Variants in TRAPPC11 observed in about 807,000 individuals in gnomAD.
The protein encoded by TRAPPC11 is trafficking protein particle complex subunit 11.
Under a neutral mutation model 151.2 loss-of-function variants are expected in TRAPPC11, and 104 were observed. The ratio of observed to expected loss-of-function variants is 0.69; its 90% confidence interval spans 0.59 to 0.81. TRAPPC11 has a LOEUF of 0.81. Among genes scored for constraint, TRAPPC11 ranks in the 30% least tolerant of loss-of-function variants. The pLI is 0.00. For missense variants in TRAPPC11, 1,230 were observed against 1,349.6 expected (o/e 0.91, Z 1.39); for synonymous variants, 456 against 472.3 (o/e 0.97, Z 0.45).
At position 183,712,656 on chromosome 4, in the gene TRAPPC11, G is replaced by A. The variant is rs543068196; in HGVS notation, c.*12G>A. 69 of 1,613,860 alleles carry A rather than the reference G, an allele frequency of 4.3e-5. No homozygotes were observed. The highest frequency in any genetic ancestry group is 2.2e-4 in the East Asian group (10 of 44,874). Reference sequence around the variant, plus strand: ...TTGCTGCTGCATGATGTTCAAGACCGGCCCTTGGCTGTTGTTACAGAGATG... The same window carrying A: ...TTGCTGCTGCATGATGTTCAAGACCAGCCCTTGGCTGTTGTTACAGAGATG... On this transcript the variant is annotated 3_prime_UTR_variant, in exon 30 of 30. Transcript: ENST00000334690.
chr4:183,691,006 A>G (rs1466829775), intron 18 of TRAPPC11, among the ~76,000 whole-genome samples: 6 of 152,186 alleles, frequency 3.9e-5, no homozygotes, highest in Non-Finnish European at 2.9e-5. Context: ...ACAGAAGCCA[A>G]GTAAAAAAAG....
At position 183,663,847 on chromosome 4, in the gene TRAPPC11, G is replaced by A; in HGVS notation, c.-21G>A. The A allele has an allele frequency of 1.3e-6, 2 of 1,576,346 alleles. No individual in the cohort carries two copies. The highest frequency in any genetic ancestry group is 1.7e-4 in the Middle Eastern group (1 of 5,790). On this transcript the variant is annotated splice_region_variant and 5_prime_UTR_variant, in exon 2 of 30. Transcript: ENST00000334690. ...GAATGTATTAACATTTGTATTTCAG[G>A]TTTTTTGTGACATCGTAAACATGAG...
chr4:183,666,529 C>A, intron 3 of TRAPPC11, 103 bp downstream of exon 3: 1 of 1,181,520 alleles, frequency 8.5e-7, no homozygotes, highest in Non-Finnish European at 1.2e-6. Flanking sequence ...GCAGTGGTCA[C>A]TTTGCGGATT....
intron 25 of TRAPPC11, chr4:183,701,396 A>G (rs1037429349): frequency 4.6e-6 from 1 of 215,264 alleles, no homozygotes; most frequent in Non-Finnish European, 9.2e-6. Flanking sequence ...AAAAACAATC[A>G]CCGTAAGATA....
chr4:183,667,178 TTATTAAAGGGAGATAGGGG>T (rs774342498), intron 4 of TRAPPC11, 48 bp downstream of exon 4: 9 of 1,463,494 alleles, frequency 6.1e-6, no homozygotes, highest in Non-Finnish European at 8.5e-6. Flanking sequence ...CCTCCAATTC[TTATTAAAGGGAGATAGGGG>T]TTTTTTGGAT....
intron 19 of TRAPPC11, 138 bp from the exon 20 acceptor site, chr4:183,692,822 G>A (rs78691623): frequency 3.0e-6 from 2 of 665,364 alleles, no homozygotes; most frequent in East Asian, 3.0e-5. Context: ...CTAATAGCAG[G>A]TGTTCTCACT....
intron 26 of TRAPPC11, among the ~76,000 whole-genome samples, chr4:183,702,060 T>A (rs910118406): frequency 5.3e-5 from 8 of 152,200 alleles, no homozygotes; most frequent in African/African-American, 1.9e-4. Flanking sequence ...AGAATGTTCA[T>A]GGGCTGGGCG....
chr4:183,666,330 T>C lies in TRAPPC11; in HGVS notation c.278T>C (p.Val93Ala). ...TGGATGAATAAGCATCTGAATCTGG[T>C]GCCAGCCCTGGTGGTTGTGTTCTAT... The part of the protein sequence containing the change: ...TGWMNKHLNL[V>A]PALVVVFYEL... Residue 93 changes from valine (V) to alanine (A), a missense_variant, in exon 3 of 30, where the codon GTG becomes GCG. Physicochemically the swap from Val to Ala is moderately conservative, Grantham distance 64. Transcript: ENST00000334690. 6.2e-7 allele frequency: 1 copy of C among 1,614,172 alleles called. No individual in the cohort carries two copies. Among genetic ancestry groups the C allele is most frequent in the Non-Finnish European group, 8.5e-7 (1 of 1,180,014 alleles).
chr4:183,707,407 A>T (rs1737128954), intron 28 of TRAPPC11, among the ~76,000 whole-genome samples: 1 of 152,160 alleles, frequency 6.6e-6, no homozygotes, highest in African/African-American at 2.4e-5. Flanking sequence ...TTTTGTTTCT[A>T]TACTTTAAAT....
rs1336946391 is a variant in TRAPPC11 at position 183,704,366 on chromosome 4, C to A, written c.2964-613C>A. On this transcript the variant is annotated intron_variant, in intron 26 of 29. Transcript: ENST00000334690. ...CAGAACCTCGTCTCTGCTAAAAATA[C>A]AAAAATTAGCTGGGCGTGGCTTCAC... Among the ~76,000 whole-genome samples, 3 of 151,878 alleles carry A rather than the reference C, an allele frequency of 2.0e-5. No homozygotes were observed. The East Asian group carries it at 5.8e-4, about 30-fold the overall frequency.
intron 5 of TRAPPC11, among the ~76,000 whole-genome samples, chr4:183,668,998 G>A (rs990030502): frequency 2.6e-5 from 4 of 152,068 alleles, no homozygotes; most frequent in African/African-American, 7.2e-5. Flanking sequence ...AAAATGATCC[G>A]CTGCAGGAGG....
At chr4:183,708,370 A>G (rs1168619696) in intron 28 of TRAPPC11, 37 bp from the exon 29 acceptor site, 26 of 1,597,344 alleles carry the variant, frequency 1.6e-5, no homozygotes, top group Non-Finnish European at 2.1e-5. Flanking sequence ...ACATATGTGT[A>G]TTTGATTATC....
At chr4:183,667,909 C>T (rs1281636405) in intron 4 of TRAPPC11, 94 bp from the exon 5 acceptor site, 1 of 924,044 alleles carries the variant, frequency 1.1e-6, no homozygotes, top group Non-Finnish European at 1.8e-6. Context: ...GTTTTTATTC[C>T]TAATTCTATT....
At chr4:183,662,054 T>A (rs76928504) in intron 1 of TRAPPC11, among the ~76,000 whole-genome samples, 35,038 of 152,028 alleles carry the variant, frequency 0.23, 4,222 homozygotes, top group Admixed American at 0.27. Flanking sequence ...ATGAGCCACT[T>A]GTGCCTTACC....
chr4:183,684,222 A>G lies in TRAPPC11; in HGVS notation c.1365A>G (p.Leu455=). ...KYKCPRMKSH[L]MVQMGEEYYY... ...AGTGCCCGCGAATGAAAAGTCACCTAAGTATGTATCCACAAACGTCACCAT... is the reference window on the plus strand; with the variant it reads ...AGTGCCCGCGAATGAAAAGTCACCTGAGTATGTATCCACAAACGTCACCAT... The change falls in exon 13 of 30, where the codon CTA becomes CTG. Residue 455 remains leucine (L), a splice_region_variant and synonymous_variant. Coordinates refer to ENST00000334690, the MANE Select transcript of TRAPPC11 (RefSeq NM_021942.6). 5 of 1,613,876 alleles carry G rather than the reference A, an allele frequency of 3.1e-6. No homozygotes were observed. Among genetic ancestry groups the G allele is most frequent in the Non-Finnish European group, 4.2e-6 (5 of 1,179,788 alleles).
intron 18 of TRAPPC11, among the ~76,000 whole-genome samples, chr4:183,688,997 T>C (rs1009135273): frequency 2.6e-5 from 4 of 152,166 alleles, no homozygotes; most frequent in Admixed American, 6.5e-5. Flanking sequence ...CACCTCAGCC[T>C]CCCAAAGTGC....
chr4:183,681,810 T>C (rs1735715324), intron 10 of TRAPPC11, among the ~76,000 whole-genome samples: 1 of 151,346 alleles, frequency 6.6e-6, no homozygotes, highest in Non-Finnish European at 1.5e-5. Flanking sequence ...TTCCATCAAA[T>C]AATAATTTGA....
intron 18 of TRAPPC11, among the ~76,000 whole-genome samples, chr4:183,689,940 C>T (rs1023049430): frequency 1.2e-4 from 18 of 152,102 alleles, no homozygotes; most frequent in African/African-American, 3.1e-4. Context: ...CAGTGGCTCA[C>T]GCCTGTAATC....
chr4:183,705,366 A>G (rs145956331), intron 27 of TRAPPC11, among the ~76,000 whole-genome samples: 102 of 152,340 alleles, frequency 6.7e-4, no homozygotes, highest in African/African-American at 1.9e-3. Context: ...AATTAGCAGT[A>G]ATGTCTTAAT....
Sources: allele counts gnomAD v4.1 joint callset (sites outside exome capture counted in the v4.1 genomes callset), GRCh38; gene constraint gnomAD v4.1.1; transcripts MANE v1.5; gene names NCBI Gene and HGNC (gene_info 2026-07-23, HGNC 2026-07-21).